SMIM38: variants seen among roughly 807,000 people sequenced by gnomAD.
SMIM38 encodes the protein small integral membrane protein 38.
Position 69,157,926 on chromosome 11 carries a change from T to C in SMIM38, c.80T>C (p.Ile27Thr). 1 of 399,118 alleles carries C rather than the reference T, an allele frequency of 2.5e-6. No individual in the cohort carries two copies. Among genetic ancestry groups the C allele is most frequent in the African/African-American group, 2.1e-5 (1 of 48,746 alleles). 24.7% of individuals were successfully genotyped at this position (399,118 alleles called of 1,614,324 possible). A position where few individuals can be genotyped will look rare whatever the true frequency, so the allele number is the denominator to read the frequency against. ...GTGGTGATCCTGCTAGCACGCCTCA[T>C]CCTGTGGTCCTGCCTCGGGACCTAC... The part of the protein sequence containing the change: ...LLVVILLARL[I>T]LWSCLGTYID... Residue 27 changes from isoleucine to threonine, a missense_variant, in exon 2 of 3, where the codon ATC becomes ACC. By Grantham distance (89) the Ile-to-Thr change is moderately conservative (BLOSUM62 -1). Coordinates refer to ENST00000686237, the MANE Select transcript of SMIM38 (RefSeq NM_001369201.2).
In SMIM38 at chr11:69,157,606, T is replaced by C. The variant is rs1306194501; in HGVS notation, c.-241T>C. 3 of 383,764 alleles carry C rather than the reference T, an allele frequency of 7.8e-6. No individual in the cohort carries two copies. Among genetic ancestry groups the C allele is most frequent in the Non-Finnish European group, 1.4e-5 (3 of 217,278 alleles). 23.8% of individuals were successfully genotyped at this position (383,764 alleles called of 1,614,324 possible). ...TGCTCGTCGTCCCCAGTCTGTCCTC[T>C]CACATGCCAGGGAGGCCCCGGGCTG... On this transcript the variant is annotated 5_prime_UTR_variant, in exon 2 of 3. Transcript: ENST00000686237.
At position 69,161,231 on chromosome 11, in the gene SMIM38, A is replaced by G. The variant is rs1590781753; in HGVS notation, c.*3135A>G. 1 of 152,262 alleles carries G rather than the reference A, an allele frequency of 6.6e-6. No homozygotes were observed. Among genetic ancestry groups the G allele is most frequent in the Non-Finnish European group, 1.5e-5 (1 of 68,042 alleles). The allele number at this position is 152,262 out of a possible 1,614,324, so 9.4% of individuals were successfully genotyped here. A position where few individuals can be genotyped will look rare whatever the true frequency, so the allele number is the denominator to read the frequency against. Reference sequence around the variant, plus strand: ...GAATGATGTCACGTGGCATCCCTGGATGCACAGGAGGCTGAGAGATAGTGG... The same window carrying G: ...GAATGATGTCACGTGGCATCCCTGGGTGCACAGGAGGCTGAGAGATAGTGG... On this transcript the variant is annotated 3_prime_UTR_variant, in exon 3 of 3. Transcript: ENST00000686237.
At position 69,160,281 on chromosome 11, in the gene SMIM38, G is replaced by A. The variant is rs2134701781; in HGVS notation, c.*2185G>A. ...GGCTCACTGCAACCTCCGCCTCTGG[G>A]GCTCAAGCAATTCTCCTGCCTCAGC... On this transcript the variant is annotated 3_prime_UTR_variant, in exon 3 of 3. Transcript: ENST00000686237. 1 of 152,186 alleles carries A rather than the reference G, an allele frequency of 6.6e-6. No individual in the cohort carries two copies. Among genetic ancestry groups the A allele is most frequent in the African/African-American group, 2.4e-5 (1 of 41,494 alleles). The allele number at this position is 152,186 out of a possible 1,614,324, so 9.4% of individuals were successfully genotyped here.
chr11:69,157,764 G>C lies in SMIM38; in HGVS notation c.-83G>C. ...GGGTCTGCACAGCAGCCACTTGGCA[G>C]TGCCGGGCTAGGGTGGCAGGGCCCC... On this transcript the variant is annotated 5_prime_UTR_variant, in exon 2 of 3. Transcript: ENST00000686237. 2.5e-6 allele frequency: 1 copy of C among 398,264 alleles called. No individual in the cohort carries two copies. The highest frequency in any genetic ancestry group is 4.4e-6 in the Non-Finnish European group (1 of 226,022). The allele number at this position is 398,264 out of a possible 1,614,324, so 24.7% of individuals were successfully genotyped here. A position where few individuals can be genotyped will look rare whatever the true frequency, so the allele number is the denominator to read the frequency against.
Position 69,159,206 on chromosome 11 carries a change from T to C in SMIM38, c.*1204T>C, listed in dbSNP as rs1197916051. ...GATTCCTGTGAATTCTGAAAGGACT[T>C]GGGGGCGTCCAGCAAGAGCAGGAGC... On this transcript the variant is annotated 3_prime_UTR_variant, in exon 2 of 3. Transcript: ENST00000686237. 1 of 152,062 alleles carries C rather than the reference T, an allele frequency of 6.6e-6. No homozygotes were observed. The highest frequency in any genetic ancestry group is 1.5e-5 in the Non-Finnish European group (1 of 68,082). The allele number at this position is 152,062 out of a possible 1,614,324, so 9.4% of individuals were successfully genotyped here. A position where few individuals can be genotyped will look rare whatever the true frequency, so the allele number is the denominator to read the frequency against.
In SMIM38 at chr11:69,160,158, G is replaced by T. The variant is rs1857038099; in HGVS notation, c.*2062G>T. On this transcript the variant is annotated 3_prime_UTR_variant, in exon 3 of 3. Transcript: ENST00000686237. Reference sequence around the variant, plus strand: ...ATACCTGAGGTCACCTCTTGGTCCAGTGAGCCAGAATCCTGGGACTTCATC... The same window carrying T: ...ATACCTGAGGTCACCTCTTGGTCCATTGAGCCAGAATCCTGGGACTTCATC... 1 of 151,592 alleles carries T rather than the reference G, an allele frequency of 6.6e-6. No homozygotes were observed. The highest frequency in any genetic ancestry group is 1.5e-5 in the Non-Finnish European group (1 of 67,960). The allele number at this position is 151,592 out of a possible 1,614,324, so 9.4% of individuals were successfully genotyped here.
At position 69,161,653 on chromosome 11, in the gene SMIM38, GT is replaced by G. The variant is rs1857054862; in HGVS notation, c.*3558del. On this transcript the variant is annotated 3_prime_UTR_variant, in exon 3 of 3. Coordinates refer to ENST00000686237, the MANE Select transcript of SMIM38 (RefSeq NM_001369201.2). ...GGGAACATGCCTCTGCTCACAGCTG[GT>G]AGCCACAGATGTAAACCGTAGCCCA... 6.6e-6 allele frequency: 1 copy of G among 152,220 alleles called. No homozygotes were observed. The highest frequency in any genetic ancestry group is 1.5e-5 in the Non-Finnish European group (1 of 68,048). 9.4% of individuals were successfully genotyped at this position (152,220 alleles called of 1,614,324 possible).
chr11:69,158,322 T>G lies in SMIM38; in HGVS notation c.*320T>G. On this transcript the variant is annotated 3_prime_UTR_variant, in exon 2 of 3. Transcript: ENST00000686237. ...CTCTGCCTCCAATTCCTTATAAATA[T>G]GCCTGCAGGAAGAGCTGGGTAAGCC... 4.7e-6 allele frequency: 1 copy of G among 211,982 alleles called. No individual in the cohort carries two copies. The allele number at this position is 211,982 out of a possible 1,614,324, so 13.1% of individuals were successfully genotyped here.
Position 69,159,081 on chromosome 11 carries a change from G to A in SMIM38, c.*1079G>A, listed in dbSNP as rs1188629955. 4 of 152,280 alleles carry A rather than the reference G, an allele frequency of 2.6e-5. No homozygotes were observed. The highest frequency in any genetic ancestry group is 2.0e-4 in the Admixed American group (3 of 15,286). 9.4% of individuals were successfully genotyped at this position (152,280 alleles called of 1,614,324 possible). A position where few individuals can be genotyped will look rare whatever the true frequency, so the allele number is the denominator to read the frequency against. ...TCTCTGGGAGGCTGGGCCTGGTGAT[G>A]TGGCAACGTCTTGCTCCCTGAGAGG... On this transcript the variant is annotated 3_prime_UTR_variant, in exon 2 of 3. Transcript: ENST00000686237.
At chr11:69,156,352 G>A (rs558546356) in intron 1 of SMIM38, among the ~76,000 whole-genome samples, 17 of 152,308 alleles carry the variant, frequency 1.1e-4, no homozygotes, top group Middle Eastern at 3.4e-3. Flanking sequence ...GGACCCAGCC[G>A]CCAGAGACCT....
rs1435759972 is a variant in SMIM38 at position 69,161,831 on chromosome 11, CTG to C, written c.*3739_*3740del. The stretch of plus-strand genomic sequence containing the variant: ...TAATGCCTAATACTTCAGAAAGAGA[CTG>C]TGTTTGAAGATATGGTCTTTACAGA... On this transcript the variant is annotated 3_prime_UTR_variant, in exon 3 of 3. Coordinates refer to ENST00000686237, the MANE Select transcript of SMIM38 (RefSeq NM_001369201.2). 1.3e-5 allele frequency: 2 copies of C among 152,190 alleles called. No homozygotes were observed. The highest frequency in any genetic ancestry group is 6.5e-5 in the Admixed American group (1 of 15,286). 9.4% of individuals were successfully genotyped at this position (152,190 alleles called of 1,614,324 possible). A position where few individuals can be genotyped will look rare whatever the true frequency, so the allele number is the denominator to read the frequency against.
Position 69,159,001 on chromosome 11 carries a change from A to C in SMIM38, c.*999A>C, listed in dbSNP as rs934498120. On this transcript the variant is annotated 3_prime_UTR_variant, in exon 2 of 3. Coordinates refer to ENST00000686237, the MANE Select transcript of SMIM38 (RefSeq NM_001369201.2). ...GCTGCTGACTGCATGCGGAACTGTG[A>C]GATGGAAGGGACTGTGGGCGGCAGC... is the stretch of plus-strand genomic sequence containing the variant. 1.3e-5 allele frequency: 2 copies of C among 152,258 alleles called. No homozygotes were observed. The highest frequency in any genetic ancestry group is 4.8e-5 in the African/African-American group (2 of 41,458). The allele number at this position is 152,258 out of a possible 1,614,324, so 9.4% of individuals were successfully genotyped here.
chr11:69,157,722 A>G lies in SMIM38; in HGVS notation c.-125A>G. On this transcript the variant is annotated 5_prime_UTR_variant, in exon 2 of 3. Transcript: ENST00000686237. ...GCCGGCTGCAGAGGCCCCAGGCTGGACGGAGCTTCCTGTCCTGGGTCTGCA... is the reference window on the plus strand; with the variant it reads ...GCCGGCTGCAGAGGCCCCAGGCTGGGCGGAGCTTCCTGTCCTGGGTCTGCA... 1 of 397,210 alleles carries G rather than the reference A, an allele frequency of 2.5e-6. No individual in the cohort carries two copies. Among genetic ancestry groups the G allele is most frequent in the Non-Finnish European group, 4.4e-6 (1 of 225,688 alleles). 24.6% of individuals were successfully genotyped at this position (397,210 alleles called of 1,614,324 possible).
At position 69,158,378 on chromosome 11, in the gene SMIM38, A is replaced by G. The variant is rs1183164669; in HGVS notation, c.*376A>G. ...ACTCAGGTGGAGGTGCCACAGAGACAAATGTGACCTCATCACAAGCTGGCC... is the reference window on the plus strand; with the variant it reads ...ACTCAGGTGGAGGTGCCACAGAGACGAATGTGACCTCATCACAAGCTGGCC... On this transcript the variant is annotated 3_prime_UTR_variant, in exon 2 of 3. Transcript: ENST00000686237. 6.1e-6 allele frequency: 1 copy of G among 164,856 alleles called. No homozygotes were observed. The highest frequency in any genetic ancestry group is 1.3e-5 in the Non-Finnish European group (1 of 76,826). The allele number at this position is 164,856 out of a possible 1,614,324, so 10.2% of individuals were successfully genotyped here. A position where few individuals can be genotyped will look rare whatever the true frequency, so the allele number is the denominator to read the frequency against.
At position 69,160,742 on chromosome 11, in the gene SMIM38, A is replaced by G. The variant is rs2134702236; in HGVS notation, c.*2646A>G. The G allele has an allele frequency of 6.6e-6, 1 of 152,318 alleles. No homozygotes were observed. The highest frequency in any genetic ancestry group is 1.9e-4 in the East Asian group (1 of 5,176). The allele number at this position is 152,318 out of a possible 1,614,324, so 9.4% of individuals were successfully genotyped here. A position where few individuals can be genotyped will look rare whatever the true frequency, so the allele number is the denominator to read the frequency against. On this transcript the variant is annotated 3_prime_UTR_variant, in exon 3 of 3. Coordinates refer to ENST00000686237, the MANE Select transcript of SMIM38 (RefSeq NM_001369201.2). Reference sequence around the variant, plus strand: ...AAATGGACACAATTCTGATGAATTCATGTATTCTGCATCCACGTGTCAGCA... The same window carrying G: ...AAATGGACACAATTCTGATGAATTCGTGTATTCTGCATCCACGTGTCAGCA...
rs1225101184 is a variant in SMIM38 at position 69,158,299 on chromosome 11, C to T, written c.*297C>T. On this transcript the variant is annotated 3_prime_UTR_variant, in exon 2 of 3. Transcript: ENST00000686237. ...GGTGGGTCTTGCTTTAAGACCTTCT[C>T]TGCCTCCAATTCCTTATAAATATGC... is the stretch of plus-strand genomic sequence containing the variant. 7.3e-6 allele frequency: 2 copies of T among 274,184 alleles called. No individual in the cohort carries two copies. Among genetic ancestry groups the T allele is most frequent in the Non-Finnish European group, 1.4e-5 (2 of 147,462 alleles). The allele number at this position is 274,184 out of a possible 1,614,324, so 17.0% of individuals were successfully genotyped here. A position where few individuals can be genotyped will look rare whatever the true frequency, so the allele number is the denominator to read the frequency against.
In SMIM38 at chr11:69,156,591, C is replaced by CGTGTGT. The variant is rs10651002; in HGVS notation, c.-674+491_-674+496dup. ...GCACACACATGTATACATGTGTATG[C>CGTGTGT]GTGTGTGTGTGTGTGTGTGCGCGCG... On this transcript the variant is annotated intron_variant, in intron 1 of 2. Coordinates refer to ENST00000686237, the MANE Select transcript of SMIM38 (RefSeq NM_001369201.2). Among the ~76,000 whole-genome samples the CGTGTGT allele has an allele frequency of 1.9e-3, 280 of 150,800 alleles. 2 individuals are homozygous for CGTGTGT. Among genetic ancestry groups the CGTGTGT allele is most frequent in the Middle Eastern group, 3.5e-3 (1 of 288 alleles).
intron 1 of SMIM38, among the ~76,000 whole-genome samples, 172 bp from the exon 2 acceptor site, chr11:69,157,002 G>A (rs1007939973): frequency 6.6e-6 from 1 of 152,198 alleles, no homozygotes; most frequent in Admixed American, 6.5e-5. Context: ...TGCTGCTGGG[G>A]GTCCACCGGT....
Position 69,158,971 on chromosome 11 carries a change from C to T in SMIM38, c.*969C>T, listed in dbSNP as rs964489122. ...CGTTCCAGCAGATCGTGGATTGCAG[C>T]GAGGGCTGCTGACTGCATGCGGAAC... On this transcript the variant is annotated 3_prime_UTR_variant, in exon 2 of 3. Coordinates refer to ENST00000686237, the MANE Select transcript of SMIM38 (RefSeq NM_001369201.2). 3 of 152,232 alleles carry T rather than the reference C, an allele frequency of 2.0e-5. No homozygotes were observed. Among genetic ancestry groups the T allele is most frequent in the Non-Finnish European group, 4.4e-5 (3 of 68,058 alleles). The allele number at this position is 152,232 out of a possible 1,614,324, so 9.4% of individuals were successfully genotyped here.
Sources: allele counts gnomAD v4.1 joint callset (sites outside exome capture counted in the v4.1 genomes callset), GRCh38; gene constraint gnomAD v4.1.1; transcripts MANE v1.5; gene names NCBI Gene and HGNC (gene_info 2026-07-23, HGNC 2026-07-21).